Variants in LRGUK observed in about 807,000 individuals in gnomAD.
LRGUK encodes the protein leucine-rich repeat and guanylate kinase domain-containing protein.
A neutral mutation model predicts 76.0 loss-of-function variants in LRGUK; 65 were observed. That is an observed-to-expected ratio of 0.85 (90% CI 0.70 to 1.05). The LOEUF (loss-of-function observed/expected upper bound fraction) is 1.05, where lower values mean the gene tolerates loss of function less well. Among genes scored for constraint, LRGUK ranks in the 50% least tolerant of loss-of-function variants. The pLI is 0.00. For missense variants in LRGUK, 758 were observed against 732.8 expected, an observed-to-expected ratio of 1.03 and a Z score of -0.40; for synonymous variants, 268 against 265.6, an observed-to-expected ratio of 1.01 and a Z score of -0.09.
chr7:134,222,643 CTT>C (rs1563190353), intron 16 of LRGUK, among the ~76,000 whole-genome samples: 1 of 150,780 alleles, frequency 6.6e-6, no homozygotes, highest in Non-Finnish European at 1.5e-5. Flanking sequence ...GAGTTTTGCT[CTT>C]GTTGCCAGGC....
intron 18 of LRGUK, among the ~76,000 whole-genome samples, chr7:134,250,842 G>T (rs981412214): frequency 2.0e-5 from 3 of 152,204 alleles, no homozygotes; most frequent in African/African-American, 7.2e-5. Context: ...GCTGCAGTAG[G>T]TTTACACGTC....
chr7:134,163,250 T>A, intron 6 of LRGUK, 147 bp from the exon 7 acceptor site: 2 of 615,022 alleles, frequency 3.3e-6, no homozygotes, highest in Admixed American at 5.5e-5. Context: ...GAGAGGTGAA[T>A]GATGGAAATG....
At chr7:134,136,888 T>G (rs975539434) in intron 1 of LRGUK, 135 bp from the exon 2 acceptor site, 1 of 636,738 alleles carries the variant, frequency 1.6e-6, no homozygotes, top group Admixed American at 2.9e-5. Context: ...CAGAATTTTT[T>G]TGGGGGTTGG....
At chr7:134,181,098 C>T (rs1799722819) in intron 10 of LRGUK, among the ~76,000 whole-genome samples, 1 of 152,198 alleles carries the variant, frequency 6.6e-6, no homozygotes, top group African/African-American at 2.4e-5. Flanking sequence ...CTCTGGCTAA[C>T]TACATAGTTG....
intron 16 of LRGUK, among the ~76,000 whole-genome samples, chr7:134,230,953 C>T (rs981106934): frequency 2.0e-5 from 3 of 152,114 alleles, no homozygotes; most frequent in African/African-American, 7.2e-5. Flanking sequence ...GTGAGGTTTA[C>T]GAGGCCACCT....
chr7:134,231,260 A>G (rs2117173879), intron 16 of LRGUK, among the ~76,000 whole-genome samples: 1 of 152,250 alleles, frequency 6.6e-6, no homozygotes, highest in East Asian at 1.9e-4. Context: ...TAATGAGTCA[A>G]AGGAGGTGTG....
At position 134,221,760 on chromosome 7, in the gene LRGUK, T is replaced by C. The variant is rs749814932; in HGVS notation, c.1844-19T>C. 4.1e-6 allele frequency: 6 copies of C among 1,466,486 alleles called. No individual in the cohort carries two copies. In the African/African-American group the frequency reaches 8.8e-5, roughly 21 times the overall value. The allele number at this position is 1,466,486 out of a possible 1,614,324, so 90.8% of individuals were successfully genotyped here. A position where few individuals can be genotyped will look rare whatever the true frequency, so the allele number is the denominator to read the frequency against. ...CCTTTATGACTTTTATTTTAAACTTTATTTTTTTTTCCTACCAGATGTTAA... is the reference window on the plus strand; with the variant it reads ...CCTTTATGACTTTTATTTTAAACTTCATTTTTTTTTCCTACCAGATGTTAA... On this transcript the variant is annotated intron_variant, in intron 15 of 19. Coordinates refer to the LRGUK transcript ENST00000285928.
chr7:134,252,188 A>AT (rs1249358689), intron 18 of LRGUK, among the ~76,000 whole-genome samples: 4 of 151,696 alleles, frequency 2.6e-5, no homozygotes, highest in African/African-American at 9.7e-5. Flanking sequence ...AAAAAAAAAA[A>AT]GTAGCTGGGA....
intron 11 of LRGUK, among the ~76,000 whole-genome samples, chr7:134,190,946 T>TAAGCAGTTCTAGGGATAGACA (rs71172441): frequency 6.6e-6 from 1 of 151,320 alleles, no homozygotes; most frequent in Non-Finnish European, 1.5e-5. Flanking sequence ...AGTTGAGCGG[T>TAAGCAGTTCTAGGGATAGACA]GTGGTGGGAT....
intron 16 of LRGUK, among the ~76,000 whole-genome samples, chr7:134,226,000 A>T (rs529095810): frequency 6.6e-6 from 1 of 152,304 alleles, no homozygotes; most frequent in East Asian, 1.9e-4. Context: ...TACCTTCCCA[A>T]GGTAAATTTC....
At chr7:134,167,322 C>T (rs970959826) in intron 7 of LRGUK, among the ~76,000 whole-genome samples, 2 of 152,164 alleles carry the variant, frequency 1.3e-5, no homozygotes, top group African/African-American at 4.8e-5. Context: ...CTTTTACAAA[C>T]AATTTTTGAA....
intron 16 of LRGUK, among the ~76,000 whole-genome samples, chr7:134,233,313 C>A (rs1801944332): frequency 6.6e-6 from 1 of 152,166 alleles, no homozygotes; most frequent in African/African-American, 2.4e-5. Flanking sequence ...GCTTGACTTC[C>A]TTTACCTCCA....
chr7:134,256,992 G>A (rs1802600894), intron 18 of LRGUK, among the ~76,000 whole-genome samples: 1 of 152,234 alleles, frequency 6.6e-6, no homozygotes, highest in Admixed American at 6.5e-5. Flanking sequence ...TCCCAAGGTG[G>A]GAGATGGGGA....
chr7:134,222,025 C>T (rs1801613889), intron 16 of LRGUK, 107 bp downstream of exon 16: 1 of 1,080,188 alleles, frequency 9.3e-7, no homozygotes, highest in Non-Finnish European at 1.2e-6. Flanking sequence ...AAATTATTCT[C>T]TCACTAGTGT....
At chr7:134,128,223 A>G (rs1463721352) in intron 1 of LRGUK, among the ~76,000 whole-genome samples, 1 of 152,200 alleles carries the variant, frequency 6.6e-6, no homozygotes, top group Admixed American at 6.5e-5. Context: ...AGCAACATGC[A>G]CACACACCAG....
At chr7:134,207,325 A>C (rs1003078145) in intron 15 of LRGUK, among the ~76,000 whole-genome samples, 1 of 152,096 alleles carries the variant, frequency 6.6e-6, no homozygotes, top group Non-Finnish European at 1.5e-5. Flanking sequence ...TACTCCCCTC[A>C]ACTCCTGGTA....
At chr7:134,158,221 G>C (rs928747480) in intron 6 of LRGUK, 62 bp downstream of exon 6, 1 of 1,405,850 alleles carries the variant, frequency 7.1e-7, no homozygotes, top group Non-Finnish European at 9.9e-7. Context: ...GTAACTACAT[G>C]AATTATGACT....
chr7:134,138,544 C>T (rs1274658602), intron 2 of LRGUK, among the ~76,000 whole-genome samples: 1 of 152,146 alleles, frequency 6.6e-6, no homozygotes, highest in Non-Finnish European at 1.5e-5. Flanking sequence ...TTGCATTTCT[C>T]ATCATGCCAA....
At chr7:134,272,465 C>T in the LRGUK span, among the ~76,000 whole-genome samples, 1,061 of 151,852 alleles carry the variant, frequency 7.0e-3, 7 homozygotes, top group Middle Eastern at 0.01. Flanking sequence ...GTCAGTGGTA[C>T]GTAAGAAATG....
Sources: allele counts gnomAD v4.1 joint callset (sites outside exome capture counted in the v4.1 genomes callset), GRCh38; gene constraint gnomAD v4.1.1; transcripts MANE v1.5; gene names NCBI Gene and HGNC (gene_info 2026-07-23, HGNC 2026-07-21).